Variants in LEPR observed in about 807,000 individuals in gnomAD.
LEPR encodes leptin receptor, also known as OB receptor.
Under a neutral mutation model 114.7 loss-of-function variants are expected in LEPR, and 56 were observed. That is an observed-to-expected ratio of 0.49 (90% CI 0.39 to 0.61). The LOEUF is 0.61. LEPR is among the 20% of genes least tolerant of loss of function. The pLI, the probability that LEPR is intolerant of heterozygous loss-of-function variation, is 0.00. For missense variants in LEPR, 1,202 were observed against 1,352.9 expected, an observed-to-expected ratio of 0.89 and a Z score of 1.75; for synonymous variants, 443 against 461.4, an observed-to-expected ratio of 0.96 and a Z score of 0.51.
chr1:65,492,963 C>T (rs1278319913), intron 2 of LEPR, among the ~76,000 whole-genome samples: 1 of 151,978 alleles, frequency 6.6e-6, no homozygotes. Context: ...AACCCATCAG[C>T]TAGGTATTAA....
chr1:65,600,928 T>C (rs1656402164), intron 8 of LEPR, among the ~76,000 whole-genome samples: 1 of 152,070 alleles, frequency 6.6e-6, no homozygotes, highest in African/African-American at 2.4e-5. Context: ...GAAATTTTTA[T>C]GTATCCAAAC....
intron 2 of LEPR, among the ~76,000 whole-genome samples, chr1:65,545,319 C>G (rs1651605123): frequency 6.6e-6 from 1 of 152,070 alleles, no homozygotes. Flanking sequence ...TGGGTATACA[C>G]CCAGTAATGG....
intron 19 of LEPR, chr1:65,626,198 C>T (rs766880293): frequency 4.1e-5 from 66 of 1,602,366 alleles, no homozygotes; most frequent in Non-Finnish European, 5.0e-5. Context: ...CGTCCTACCT[C>T]GCTGCCGCAC....
chr1:65,640,839 C>A lies in LEPR; in HGVS notation c.*3824C>A, dbSNP rs2101051218. On this transcript the variant is annotated 3_prime_UTR_variant, in exon 20 of 20. Transcript: ENST00000349533. ...GCAGTGATGTGATCTCGGCTCACTG[C>A]AACCCCTGCTTCCCAGGTTCAAGCG... 1 of 149,618 alleles carries A rather than the reference C, an allele frequency of 6.7e-6. No individual in the cohort carries two copies. Among genetic ancestry groups the A allele is most frequent in the Admixed American group, 6.7e-5 (1 of 14,886 alleles). 9.3% of individuals were successfully genotyped at this position (149,618 alleles called of 1,614,324 possible).
intron 2 of LEPR, among the ~76,000 whole-genome samples, chr1:65,488,326 C>A (rs1162695704): frequency 8.7e-6 from 1 of 114,362 alleles, no homozygotes; most frequent in Admixed American, 9.1e-5. Context: ...TTTTTTCTTT[C>A]TTCTTCTTCT....
chr1:65,633,047 A>T lies in LEPR; in HGVS notation c.2674-3144A>T. ...ATTGTAACCTAACACAAAAATTTAT[A>T]GTCCAGAACCCATGCTTGACAATGT... On this transcript the variant is annotated intron_variant, in intron 19 of 19. Coordinates refer to ENST00000349533, the MANE Select transcript of LEPR (RefSeq NM_002303.6). This position sits in a 1 kb window ranked among gnomAD's most constrained non-coding sequence, Gnocchi z 4.1. 1 of 902,948 alleles carries T rather than the reference A, an allele frequency of 1.1e-6. No homozygotes were observed. The highest frequency in any genetic ancestry group is 1.7e-6 in the Non-Finnish European group (1 of 587,758). 55.9% of individuals were successfully genotyped at this position (902,948 alleles called of 1,614,324 possible).
chr1:65,474,790 G>A (rs548695536), intron 2 of LEPR, among the ~76,000 whole-genome samples: 5 of 151,940 alleles, frequency 3.3e-5, no homozygotes, highest in South Asian at 2.1e-4. Flanking sequence ...GGCAGATCAC[G>A]AGGTCAGGAG....
intron 2 of LEPR, among the ~76,000 whole-genome samples, chr1:65,501,552 G>A (rs1267046056): frequency 9.9e-5 from 15 of 151,916 alleles, no homozygotes; most frequent in Admixed American, 9.2e-4. Context: ...GATTACATCT[G>A]CATAGAGCCT....
rs1363250825 is a variant in LEPR at position 65,636,453 on chromosome 1, A to G, written c.2936A>G (p.Gln979Arg). The stretch of plus-strand genomic sequence containing the variant: ...GAGGTAACCTATGAGGACGAAAGCC[A>G]GAGACAACCCTTTGTTAAATACGCC... ...GTEVTYEDES[Q>R]RQPFVKYATL... is the part of the protein sequence containing the mutation. Residue 979 changes from glutamine to arginine, a missense_variant, in exon 20 of 20, where the codon CAG becomes CGG. Coordinates refer to ENST00000349533, the MANE Select transcript of LEPR (RefSeq NM_002303.6). 3 of 1,614,016 alleles carry G rather than the reference A, an allele frequency of 1.9e-6. No homozygotes were observed. Among genetic ancestry groups the G allele is most frequent in the South Asian group, 1.1e-5 (1 of 91,076 alleles).
chr1:65,437,021 C>T (rs1186273869), intron 2 of LEPR, among the ~76,000 whole-genome samples: 3 of 152,186 alleles, frequency 2.0e-5, no homozygotes, highest in Non-Finnish European at 4.4e-5. Flanking sequence ...GTTCATCTGA[C>T]AAACCCAGAA....
chr1:65,549,540 C>T (rs893945523), intron 2 of LEPR, among the ~76,000 whole-genome samples: 6 of 151,988 alleles, frequency 3.9e-5, no homozygotes, highest in Non-Finnish European at 7.4e-5. Flanking sequence ...CTAAACTTCC[C>T]TTCTCGCTTC....
intron 2 of LEPR, among the ~76,000 whole-genome samples, chr1:65,481,077 C>G (rs1253264078): frequency 6.6e-6 from 1 of 152,170 alleles, no homozygotes; most frequent in East Asian, 1.9e-4. Context: ...AGGCCTCTCT[C>G]CTTGGCTTGC....
intron 2 of LEPR, among the ~76,000 whole-genome samples, chr1:65,491,093 A>G (rs1057392711): frequency 6.6e-6 from 1 of 152,076 alleles, no homozygotes; most frequent in Non-Finnish European, 1.5e-5. Context: ...CAAAATAAAA[A>G]CTGTGGGCTG....
chr1:65,526,036 C>G (rs149095037), intron 2 of LEPR: 9,635 of 897,318 alleles, frequency 0.011, 49 homozygotes, highest in Middle Eastern at 0.021. Context: ...TCTCGGCTCC[C>G]GTGGGGCGAG....
At chr1:65,634,711 TA>T (rs1179878693) in intron 19 of LEPR, 1 of 951,330 alleles carries the variant, frequency 1.1e-6, no homozygotes, top group African/African-American at 1.8e-5. Context: ...TTTTTGTATG[TA>T]TTCCTTGTTT....
Position 65,592,729 on chromosome 1 carries a change from T to G in LEPR, c.567T>G (p.Ser189Arg). ...TTCAGATGGTTCACTGCAATTGCAG[T>G]GTTCATGAATGTTGTGAATGTCTTG... ...GSFQMVHCNC[S>R]VHECCECLVP... Residue 189 changes from serine to arginine, a missense_variant, in exon 6 of 20, where the codon AGT becomes AGG. Transcript: ENST00000349533. 6.2e-7 allele frequency: 1 copy of G among 1,613,418 alleles called. No individual in the cohort carries two copies. The highest frequency in any genetic ancestry group is 1.1e-5 in the South Asian group (1 of 91,070).
At chr1:65,635,209 G>A (rs879572089) in intron 19 of LEPR, 35 of 962,724 alleles carry the variant, frequency 3.6e-5, no homozygotes, top group African/African-American at 2.3e-4. Flanking sequence ...GTTAAATGAC[G>A]TGTATGATAT....
intron 2 of LEPR, among the ~76,000 whole-genome samples, chr1:65,442,167 T>A (rs964211742): frequency 6.6e-5 from 10 of 152,188 alleles, no homozygotes; most frequent in African/African-American, 2.2e-4. Flanking sequence ...AAGCCCTTTT[T>A]AAAAAAATAA....
At position 65,636,611 on chromosome 1, in the gene LEPR, G is replaced by C; in HGVS notation, c.3094G>C (p.Glu1032Gln). ...DSFSNSSWEI[E>Q]AQAFFILSDQ... ...TTTCTCTAATAGCTCATGGGAGATA[G>C]AGGCCCAGGCATTTTTTATATTATC... The change falls in exon 20 of 20, where the codon GAG becomes CAG. Residue 1032 changes from glutamate (E) to glutamine (Q), a missense_variant. Glu to Gln is a conservative substitution (Grantham distance 29). Coordinates refer to ENST00000349533, the MANE Select transcript of LEPR (RefSeq NM_002303.6). 1 of 1,613,838 alleles carries C rather than the reference G, an allele frequency of 6.2e-7. No homozygotes were observed. Among genetic ancestry groups the C allele is most frequent in the Non-Finnish European group, 8.5e-7 (1 of 1,179,910 alleles).
Sources: gnomAD v4.1 joint callset for allele counts (sites outside exome capture counted in the v4.1 genomes callset) on GRCh38, gnomAD v4.1.1 for gene constraint, Gnocchi (gnomAD v3.1) non-coding constraint, MANE v1.5 for transcripts, NCBI Gene and HGNC (gene_info 2026-07-23, HGNC 2026-07-21) for gene names.